The following FOXP2 variants were observed in gnomAD, a reference collection of about 807,000 sequenced individuals.
The protein encoded by FOXP2 is forkhead box protein P2.
In FOXP2, 12 loss-of-function variants were observed where a neutral mutation model predicts 115.8. The observed-to-expected ratio is 0.10, with a 90% CI of 0.07 to 0.17. The LOEUF is 0.17. Among genes scored for constraint, FOXP2 ranks in the 10% least tolerant of loss-of-function variants. The pLI is 1.00. For synonymous variants in FOXP2, 328 were observed against 297.7 expected (o/e 1.10, Z -1.05); for missense variants, 629 against 843.5 (o/e 0.75, Z 3.15).
intron 1 of FOXP2, among the ~76,000 whole-genome samples, chr7:114,147,512 T>G (rs1441483970): frequency 6.6e-6 from 1 of 152,112 alleles, no homozygotes; most frequent in Non-Finnish European, 1.5e-5. Context: ...GAAGCAAGCT[T>G]AGGCTGGGTA....
In FOXP2 at chr7:114,191,888, C is replaced by T. The variant is rs190060601; in HGVS notation, c.-102+28800C>T. 1.8e-4 allele frequency among the ~76,000 whole-genome samples: 27 copies of T among 152,146 alleles called. 1 individual carries two copies. The East Asian group carries it at 5.2e-3, about 29-fold the overall frequency. ...CATTACAGTATCATACAGAGAAGTT[C>T]CCCTCTGCTGTACCAATTCATAACT... is the stretch of plus-strand genomic sequence containing the variant. On this transcript the variant is annotated intron_variant, in intron 1 of 17. Coordinates refer to the FOXP2 transcript ENST00000634411.
chr7:114,505,592 G>GT (rs1474572570), intron 2 of FOXP2, among the ~76,000 whole-genome samples: 2 of 150,630 alleles, frequency 1.3e-5, no homozygotes, highest in Non-Finnish European at 1.5e-5. Context: ...CAACACAAAA[G>GT]TTTTTGTGCT....
chr7:114,378,268 A>G (rs1245443211), intron 2 of FOXP2, among the ~76,000 whole-genome samples: 1 of 152,162 alleles, frequency 6.6e-6, no homozygotes, highest in Non-Finnish European at 1.5e-5. Context: ...TAGGAGTTAG[A>G]TGGAGTATCA....
rs144275408 is a variant in FOXP2, at chr7:114,099,798, G to A, written c.-247+11960G>A. On this transcript the variant is annotated intron_variant, in intron 1 of 19. Transcript: ENST00000635638. ...TTGGGGAGGAAATGGGGACATGTAGGCCAAAGGATACAAAGTCACAGATAC... is the reference window on the plus strand; with the variant it reads ...TTGGGGAGGAAATGGGGACATGTAGACCAAAGGATACAAAGTCACAGATAC... Among the ~76,000 whole-genome samples, 6 of 152,222 alleles carry A rather than the reference G, an allele frequency of 3.9e-5. No individual in the cohort carries two copies. The East Asian group carries it at 1.2e-3, about 29-fold the overall frequency.
chr7:114,170,790 C>G (rs1044177893), intron 1 of FOXP2, among the ~76,000 whole-genome samples: 1 of 152,178 alleles, frequency 6.6e-6, no homozygotes, highest in Non-Finnish European at 1.5e-5. Context: ...GAGGTTGGTT[C>G]ATGAGGTTAA....
At chr7:114,273,909 T>C (rs1032144048) in intron 1 of FOXP2, among the ~76,000 whole-genome samples, 4 of 152,126 alleles carry the variant, frequency 2.6e-5, no homozygotes, top group African/African-American at 9.6e-5. Context: ...TCTGTCTTAG[T>C]TGGTGCATTT....
chr7:114,229,465 A>G (rs1669528520), intron 1 of FOXP2, among the ~76,000 whole-genome samples: 2 of 151,724 alleles, frequency 1.3e-5, no homozygotes, highest in African/African-American at 4.8e-5. Context: ...TCAAGCACAC[A>G]TGGAACATTC....
At chr7:114,541,692 A>T (rs976521026) in intron 3 of FOXP2, among the ~76,000 whole-genome samples, 4 of 151,726 alleles carry the variant, frequency 2.6e-5, no homozygotes, top group African/African-American at 9.7e-5. Context: ...AAGAAAATGT[A>T]TGTTGCATAT....
chr7:114,556,020 C>A (rs1485762577), intron 3 of FOXP2, among the ~76,000 whole-genome samples: 1 of 152,108 alleles, frequency 6.6e-6, no homozygotes, highest in Non-Finnish European at 1.5e-5. Flanking sequence ...TAGATGTTTA[C>A]TCAGCAATAT....
chr7:114,543,172 G>A (rs1303077582), intron 3 of FOXP2, among the ~76,000 whole-genome samples: 1 of 152,090 alleles, frequency 6.6e-6, no homozygotes, highest in African/African-American at 2.4e-5. Context: ...GTTAAATTAT[G>A]TTTGGTCACT....
chr7:114,173,767 A>C (rs2129153460), intron 1 of FOXP2, among the ~76,000 whole-genome samples: 1 of 152,120 alleles, frequency 6.6e-6, no homozygotes, highest in Non-Finnish European at 1.5e-5. Flanking sequence ...AATTTTGGGA[A>C]TAAAATCAGA....
chr7:114,487,848 G>A (rs1358706211), intron 2 of FOXP2, among the ~76,000 whole-genome samples: 2 of 152,138 alleles, frequency 1.3e-5, no homozygotes, highest in African/African-American at 2.4e-5. Context: ...CGTTCAACAA[G>A]TCTCTAGGAG....
chr7:114,435,546 G>T (rs752125085), intron 2 of FOXP2, among the ~76,000 whole-genome samples: 2 of 152,172 alleles, frequency 1.3e-5, no homozygotes, highest in Non-Finnish European at 2.9e-5. Context: ...TTTGTTGTTT[G>T]TTTGTTTTGA....
chr7:114,564,401 A>G (rs190823069), intron 3 of FOXP2, among the ~76,000 whole-genome samples: 10 of 152,280 alleles, frequency 6.6e-5, no homozygotes, highest in South Asian at 2.1e-4. Flanking sequence ...GGATCCATGG[A>G]TAGAATTCAG....
Position 114,691,510 on chromosome 7 carries a change from A to T in FOXP2, c.*1584A>T, listed in dbSNP as rs1382011429. 2 of 453,900 alleles carry T rather than the reference A, an allele frequency of 4.4e-6. No homozygotes were observed. The highest frequency in any genetic ancestry group is 8.8e-6 in the Non-Finnish European group (2 of 226,780). The allele number at this position is 453,900 out of a possible 1,614,324, so 28.1% of individuals were successfully genotyped here. On this transcript the variant is annotated 3_prime_UTR_variant, in exon 17 of 17. Coordinates refer to ENST00000350908, the MANE Select transcript of FOXP2 (RefSeq NM_014491.4). The stretch of plus-strand genomic sequence containing the variant: ...GACTTGCACAGGCCAAATTGTTGGA[A>T]TGCTGGTTTTCTTGACAATTCCAAA...
chr7:114,217,140 A>T (rs1394364943), intron 1 of FOXP2, among the ~76,000 whole-genome samples: 1 of 152,206 alleles, frequency 6.6e-6, no homozygotes, highest in South Asian at 2.1e-4. Flanking sequence ...CTTGGAATTA[A>T]CAAAAAAGGA....
At chr7:114,372,856 A>C (rs6466484) in intron 2 of FOXP2, among the ~76,000 whole-genome samples, 53,732 of 152,028 alleles carry the variant, frequency 0.35, 9,990 homozygotes, top group African/African-American at 0.4. Context: ...TGTTTAAGTT[A>C]ACCATGAAGA....
chr7:114,661,918 G>A (rs1806885115), intron 13 of FOXP2, 147 bp from the exon 14 acceptor site: 1 of 988,014 alleles, frequency 1.0e-6, no homozygotes, highest in Non-Finnish European at 1.5e-6. Flanking sequence ...TTTGAGGTTT[G>A]TAATATCATG....
At chr7:114,523,164 A>T (rs1182183147) in intron 2 of FOXP2, among the ~76,000 whole-genome samples, 1 of 152,166 alleles carries the variant, frequency 6.6e-6, no homozygotes, top group Non-Finnish European at 1.5e-5. Context: ...TGTAAATTGT[A>T]AACTGGGAAG....
Sources: gnomAD v4.1 joint callset for allele counts (sites outside exome capture counted in the v4.1 genomes callset) on GRCh38, gnomAD v4.1.1 for gene constraint, MANE v1.5 for transcripts, NCBI Gene and HGNC (gene_info 2026-07-23, HGNC 2026-07-21) for gene names.